The following MICU1 variants were observed in gnomAD, a reference collection of about 807,000 sequenced individuals.
The protein encoded by MICU1 is calcium uptake protein 1, mitochondrial.
A neutral mutation model predicts 56.8 loss-of-function variants in MICU1; 45 were observed. The ratio of observed to expected loss-of-function variants is 0.79; its 90% CI spans 0.62 to 1.02. MICU1 has a LOEUF of 1.02. Ranked by LOEUF, MICU1 falls within the 50% of genes least tolerant of loss-of-function variation. The pLI is 0.00. For synonymous variants in MICU1, 186 were observed against 195.1 expected (o/e 0.95, Z 0.39); for missense variants, 504 against 587.1 (o/e 0.86, Z 1.46).
chr10:72,555,871 T>C (rs561323125), intron 3 of MICU1, among the ~76,000 whole-genome samples: 4 of 152,306 alleles, frequency 2.6e-5, no homozygotes, highest in South Asian at 2.1e-4. Context: ...GCTCTTTCTA[T>C]TGTTAAAAGG....
At chr10:72,396,499 G>A (rs1863266345) in intron 10 of MICU1, among the ~76,000 whole-genome samples, 1 of 152,084 alleles carries the variant, frequency 6.6e-6, no homozygotes, top group South Asian at 2.1e-4. Context: ...TGAGCTAAAG[G>A]ATGTCCAAAC....
chr10:72,413,536 C>T (rs1210847421), intron 9 of MICU1, among the ~76,000 whole-genome samples: 1 of 152,108 alleles, frequency 6.6e-6, no homozygotes, highest in African/African-American at 2.4e-5. Flanking sequence ...TGTTCGAGAC[C>T]AGCCTGACCA....
intron 11 of MICU1, among the ~76,000 whole-genome samples, chr10:72,375,083 C>T (rs1187220224): frequency 3.3e-5 from 5 of 152,014 alleles, no homozygotes; most frequent in Non-Finnish European, 7.4e-5. Flanking sequence ...ATACTATTAT[C>T]TTTGTGACCT....
chr10:72,493,240 C>A (rs914498255), intron 6 of MICU1, among the ~76,000 whole-genome samples: 1 of 152,054 alleles, frequency 6.6e-6, no homozygotes, highest in Admixed American at 6.5e-5. Flanking sequence ...CACAATTTTT[C>A]CCCCACTTTC....
intron 5 of MICU1, among the ~76,000 whole-genome samples, chr10:72,510,705 G>A (rs959378759): frequency 4.3e-5 from 6 of 141,018 alleles, no homozygotes; most frequent in Non-Finnish European, 7.4e-5. Flanking sequence ...ATGCAGTGGC[G>A]TGATCTCAGC....
intron 1 of MICU1, among the ~76,000 whole-genome samples, chr10:72,579,006 T>G (rs1209068730): frequency 6.6e-6 from 1 of 152,168 alleles, no homozygotes; most frequent in African/African-American, 2.4e-5. Context: ...TATGACTTGC[T>G]ATTTTGCGAC....
At chr10:72,474,146 C>A (rs1589256136) in intron 8 of MICU1, among the ~76,000 whole-genome samples, 2 of 150,482 alleles carry the variant, frequency 1.3e-5, no homozygotes, top group South Asian at 4.2e-4. Context: ...ATTCCAGCTA[C>A]TCGAGAGGCT....
rs920051370 is a variant in MICU1, at chr10:72,564,224, G to A, written c.162-1161C>T. On this transcript the variant is annotated intron_variant, in intron 2 of 11. Transcript: ENST00000361114. ...TATCAAATGACTGCTTTCAGACACTGCACAGTATGCAACTCTCTAAGAAAA... is the reference window on the plus strand; with the variant it reads ...TATCAAATGACTGCTTTCAGACACTACACAGTATGCAACTCTCTAAGAAAA... Among the ~76,000 whole-genome samples, 3 of 152,076 alleles carry A rather than the reference G, an allele frequency of 2.0e-5. No homozygotes were observed. In the East Asian group the frequency reaches 5.8e-4, roughly 29 times the overall value.
rs1365137563 is a variant in MICU1, at chr10:72,533,730, G to C, written c.537+16C>G. On this transcript the variant is annotated intron_variant, in intron 5 of 11. Coordinates refer to ENST00000361114, the MANE Select transcript of MICU1 (RefSeq NM_001195518.2). ...AATGATAGGATATATGTATAGAAGTGTCATAGTTTGCTCACCTTTCCATCA... is the reference window on the plus strand; with the variant it reads ...AATGATAGGATATATGTATAGAAGTCTCATAGTTTGCTCACCTTTCCATCA... 1.3e-6 allele frequency: 2 copies of C among 1,581,092 alleles called. No individual in the cohort carries two copies. Among genetic ancestry groups the C allele is most frequent in the Admixed American group, 1.7e-5 (1 of 58,428 alleles).
intron 6 of MICU1, among the ~76,000 whole-genome samples, chr10:72,485,445 G>T (rs1003115547): frequency 5.3e-5 from 8 of 150,852 alleles, no homozygotes; most frequent in African/African-American, 2.0e-4. Flanking sequence ...TTATAAATCA[G>T]GATTATATAA....
intron 1 of MICU1, among the ~76,000 whole-genome samples, chr10:72,618,746 T>A (rs994819229): frequency 6.6e-6 from 1 of 152,214 alleles, no homozygotes; most frequent in African/African-American, 2.4e-5. Flanking sequence ...AAGTAGAACA[T>A]GTTGTGATGA....
chr10:72,449,084 C>T (rs999101199), intron 8 of MICU1, among the ~76,000 whole-genome samples: 1 of 152,144 alleles, frequency 6.6e-6, no homozygotes, highest in African/African-American at 2.4e-5. Flanking sequence ...AGGCATTTGC[C>T]ACCATGACCA....
chr10:72,461,101 G>A (rs1434878892), intron 8 of MICU1, among the ~76,000 whole-genome samples: 1 of 152,108 alleles, frequency 6.6e-6, no homozygotes, highest in Non-Finnish European at 1.5e-5. Context: ...ACTTTCTCTT[G>A]TCTTGTCTTG....
chr10:72,378,752 C>A (rs1862607218), intron 10 of MICU1, among the ~76,000 whole-genome samples: 1 of 152,280 alleles, frequency 6.6e-6, no homozygotes, highest in Non-Finnish European at 1.5e-5. Flanking sequence ...TCTGGCCCCA[C>A]CACCAACGTG....
At chr10:72,513,013 T>C (rs902453199) in intron 5 of MICU1, among the ~76,000 whole-genome samples, 4 of 152,090 alleles carry the variant, frequency 2.6e-5, no homozygotes, top group Admixed American at 2.6e-4. Context: ...TGGTTGTTTT[T>C]TGTTTAAGAC....
At chr10:72,535,031 T>TTTATTTTATTTTA (rs1839596727) in intron 4 of MICU1, among the ~76,000 whole-genome samples, 9 of 143,428 alleles carry the variant, frequency 6.3e-5, no homozygotes, top group African/African-American at 2.2e-4. Flanking sequence ...TTTTATTTTA[T>TTTATTTTATTTTA]TTTATTTATT....
At chr10:72,554,063 T>C (rs973613636) in intron 3 of MICU1, among the ~76,000 whole-genome samples, 3 of 152,206 alleles carry the variant, frequency 2.0e-5, no homozygotes, top group African/African-American at 4.8e-5. Context: ...TTGAGCATTA[T>C]TGAGACATCT....
chr10:72,399,645 CA>C (rs957640269), intron 10 of MICU1, among the ~76,000 whole-genome samples: 13 of 151,500 alleles, frequency 8.6e-5, no homozygotes, highest in Non-Finnish European at 1.6e-4. Flanking sequence ...AACTCCATCT[CA>C]AAAAATAAAA....
intron 6 of MICU1, among the ~76,000 whole-genome samples, chr10:72,498,361 G>A (rs971246341): frequency 6.6e-5 from 10 of 152,148 alleles, no homozygotes; most frequent in African/African-American, 7.2e-5. Context: ...CAAGGTGGGC[G>A]GATCACCTGA....
Sources: allele counts gnomAD v4.1 joint callset (sites outside exome capture counted in the v4.1 genomes callset), GRCh38; gene constraint gnomAD v4.1.1; transcripts MANE v1.5; gene names NCBI Gene and HGNC (gene_info 2026-07-23, HGNC 2026-07-21).